The following GSTCD variants were observed in gnomAD, a reference collection of about 807,000 sequenced individuals.
GSTCD encodes the protein glutathione S-transferase C-terminal domain containing, also known as glutathione S-transferase C-terminal domain-containing protein.
GSTCD carries 44 observed loss-of-function variants against 68.3 expected under a neutral mutation model. That is an observed-to-expected ratio of 0.64 (90% CI 0.51 to 0.83). The LOEUF (loss-of-function observed/expected upper bound fraction) is 0.83. GSTCD is among the 40% of genes least tolerant of loss of function. GSTCD has a pLI of 0.00. For synonymous variants in GSTCD, 273 were observed against 255.2 expected (o/e 1.07, Z -0.67); for missense variants, 739 against 735.9 (o/e 1.00, Z -0.05).
intron 5 of GSTCD, among the ~76,000 whole-genome samples, chr4:105,805,196 G>T (rs1722440364): frequency 6.6e-6 from 1 of 152,054 alleles, no homozygotes; most frequent in African/African-American, 2.4e-5. Context: ...TTTTTCTGAA[G>T]GGTTAAGATC....
chr4:105,807,194 T>C (rs1055620676), intron 5 of GSTCD: 5 of 152,148 alleles, frequency 3.3e-5, no homozygotes, highest in Admixed American at 6.6e-5. Context: ...CTTCCCTCTT[T>C]ATCTGACATA....
At chr4:105,762,570 T>A (rs1447439604) in intron 5 of GSTCD, among the ~76,000 whole-genome samples, 1 of 152,142 alleles carries the variant, frequency 6.6e-6, no homozygotes, top group African/African-American at 2.4e-5. Flanking sequence ...GGCAGATTGG[T>A]CATGTTTGGT....
At chr4:105,821,104 C>T (rs957829700) in intron 5 of GSTCD, 21 of 151,802 alleles carry the variant, frequency 1.4e-4, no homozygotes, top group African/African-American at 5.1e-4. Context: ...CTCTAGGTCT[C>T]CAAAGAGCCT....
chr4:105,801,077 C>G (rs948326468), intron 5 of GSTCD, among the ~76,000 whole-genome samples: 3 of 151,886 alleles, frequency 2.0e-5, no homozygotes, highest in African/African-American at 7.3e-5. Context: ...AAAAAAGGCA[C>G]AAAAATTTGA....
At chr4:105,787,120 TACTC>T (rs1735496339) in intron 5 of GSTCD, among the ~76,000 whole-genome samples, 1 of 152,060 alleles carries the variant, frequency 6.6e-6, no homozygotes, top group Non-Finnish European at 1.5e-5. Flanking sequence ...ATGGGGAACA[TACTC>T]AAAATATTTT....
chr4:105,812,519 A>G (rs1262594112), intron 5 of GSTCD, among the ~76,000 whole-genome samples: 1 of 152,146 alleles, frequency 6.6e-6, no homozygotes, highest in African/African-American at 2.4e-5. Flanking sequence ...GTTTTAAATC[A>G]GCTATTGTCC....
intron 9 of GSTCD, among the ~76,000 whole-genome samples, chr4:105,835,195 G>A (rs2216514): frequency 0.19 from 28,743 of 152,144 alleles, 5,366 homozygotes; most frequent in African/African-American, 0.48. Flanking sequence ...CGCTTTGCCA[G>A]CTGGATCCTC....
At chr4:105,726,944 A>G (rs1280267207) in intron 4 of GSTCD, 114 bp downstream of exon 4, 1 of 838,064 alleles carries the variant, frequency 1.2e-6, no homozygotes, top group Non-Finnish European at 1.8e-6. Flanking sequence ...TTTTATTTGT[A>G]GCTTTCTTCA....
chr4:105,790,906 T>C (rs1442381620), intron 5 of GSTCD, among the ~76,000 whole-genome samples: 1 of 152,024 alleles, frequency 6.6e-6, no homozygotes, highest in African/African-American at 2.4e-5. Context: ...CTCATCCTTA[T>C]TGTTTTATCA....
rs1379989010 is a variant in GSTCD, at chr4:105,717,668, T to C, written c.55T>C (p.Ser19Pro). Residue 19 changes from serine (S) to proline (P), a missense_variant, in exon 2 of 12, where the codon TCT (serine) becomes CCT (proline). By Grantham distance (74) the Ser-to-Pro change is moderately conservative. Transcript: ENST00000515279. Reference protein sequence around the residue: ...TEEEYLYLDFSHQTEGCIFPL... With the variant: ...TEEEYLYLDFPHQTEGCIFPL... ...AGAAGAATACCTGTACCTGGACTTT[T>C]CTCACCAAACAGAAGGATGCATCTT... The C allele has an allele frequency of 1.1e-5, 18 of 1,608,704 alleles. No individual in the cohort carries two copies. Among genetic ancestry groups the C allele is most frequent in the Non-Finnish European group, 1.5e-5 (18 of 1,178,182 alleles).
chr4:105,734,156 T>A (rs1250316074), intron 5 of GSTCD, among the ~76,000 whole-genome samples: 1 of 152,180 alleles, frequency 6.6e-6, no homozygotes, highest in Non-Finnish European at 1.5e-5. Context: ...AATCTGACAA[T>A]TATGTGTCTT....
chr4:105,781,985 G>A (rs1205887877), intron 5 of GSTCD, among the ~76,000 whole-genome samples: 1 of 152,038 alleles, frequency 6.6e-6, no homozygotes. Flanking sequence ...TAGTTTTTCT[G>A]TGAGATGCTT....
At chr4:105,738,987 T>C (rs1478574059) in intron 5 of GSTCD, among the ~76,000 whole-genome samples, 4 of 152,206 alleles carry the variant, frequency 2.6e-5, no homozygotes, top group African/African-American at 9.6e-5. Flanking sequence ...ACATAAGACC[T>C]TTATTATGTT....
chr4:105,784,602 T>G (rs1487237074), intron 5 of GSTCD, among the ~76,000 whole-genome samples: 1 of 152,238 alleles, frequency 6.6e-6, no homozygotes, highest in Non-Finnish European at 1.5e-5. Flanking sequence ...TTATCATTAA[T>G]TACTATAATG....
chr4:105,837,388 T>C (rs1418522803), intron 9 of GSTCD, among the ~76,000 whole-genome samples: 1 of 152,198 alleles, frequency 6.6e-6, no homozygotes, highest in East Asian at 1.9e-4. Context: ...CAAGCCTGCT[T>C]ACCTCACCTT....
intron 5 of GSTCD, among the ~76,000 whole-genome samples, chr4:105,821,877 T>G (rs1179203654): frequency 6.6e-6 from 1 of 151,870 alleles, no homozygotes; most frequent in Non-Finnish European, 1.5e-5. Context: ...TATAGTTTTT[T>G]ATTTACATTT....
In GSTCD at chr4:105,827,603, T is replaced by TTTAA. The variant is rs142572531; in HGVS notation, c.1530+1803_1530+1804insTTAA. On this transcript the variant is annotated intron_variant, in intron 8 of 11. Transcript: ENST00000515279. ...CACTAGGTAAATTAGACTAAATGCA[T>TTTAA]CAGAGGTTCTAACTCCTGTGTTAAA... Among the ~76,000 whole-genome samples, 108 of 152,236 alleles carry TTTAA rather than the reference T, an allele frequency of 7.1e-4. 4 individuals are homozygous for TTTAA. In the East Asian group the frequency reaches 0.018, roughly 26 times the overall value.
At chr4:105,807,760 T>A (rs1483460525) in intron 5 of GSTCD, among the ~76,000 whole-genome samples, 1 of 152,062 alleles carries the variant, frequency 6.6e-6, no homozygotes, top group Non-Finnish European at 1.5e-5. Context: ...TTAGGTTTGA[T>A]CACTTGGTTG....
chr4:105,834,736 A>G, intron 9 of GSTCD, 142 bp downstream of exon 9: 1 of 680,110 alleles, frequency 1.5e-6, no homozygotes, highest in Non-Finnish European at 2.4e-6. Context: ...TAAATTGTAT[A>G]AGGAAGAGAA....
Sources: gnomAD v4.1 joint callset for allele counts (sites outside exome capture counted in the v4.1 genomes callset) on GRCh38, gnomAD v4.1.1 for gene constraint, MANE v1.5 for transcripts, NCBI Gene and HGNC (gene_info 2026-07-23, HGNC 2026-07-21) for gene names.